The following ZNF385D variants were observed in gnomAD, a reference collection of about 807,000 sequenced individuals.
The protein encoded by ZNF385D is zinc finger protein 385D.
In ZNF385D, 15 loss-of-function variants were observed where a neutral mutation model predicts 35.8. That is an observed-to-expected ratio of 0.42 (90% CI 0.28 to 0.64). The LOEUF (loss-of-function observed/expected upper bound fraction) is 0.64, where lower values mean the gene tolerates loss of function less well. ZNF385D is among the 30% of genes least tolerant of loss of function. The pLI, the probability that ZNF385D is intolerant of heterozygous loss-of-function variation, is 0.23. For missense variants in ZNF385D, 474 were observed against 494.6 expected (o/e 0.96, Z 0.39); for synonymous variants, 212 against 186.8 (o/e 1.13, Z -1.10).
chr3:21,997,103 G>C (rs1022434202), intron 3 of ZNF385D, among the ~76,000 whole-genome samples: 1 of 151,848 alleles, frequency 6.6e-6, no homozygotes, highest in Admixed American at 6.6e-5. Flanking sequence ...CAACCCAAAT[G>C]TCCATCAATG....
At chr3:22,316,610 T>C (rs896086953) in intron 2 of ZNF385D, among the ~76,000 whole-genome samples, 1 of 152,208 alleles carries the variant, frequency 6.6e-6, no homozygotes, top group Admixed American at 6.5e-5. Flanking sequence ...TTGAGTCCCA[T>C]TTTTGACACT....
chr3:21,737,628 T>C (rs1210532359), intron 1 of ZNF385D, among the ~76,000 whole-genome samples: 4 of 152,242 alleles, frequency 2.6e-5, no homozygotes, highest in African/African-American at 9.6e-5. Flanking sequence ...TTTATACTTT[T>C]ATAATTCTCA....
chr3:21,608,029 T>G (rs1476653048), intron 2 of ZNF385D, among the ~76,000 whole-genome samples: 1 of 146,090 alleles, frequency 6.8e-6, no homozygotes, highest in East Asian at 2.0e-4. Context: ...TTTTGTTTTT[T>G]TTTTTTGAGT....
At chr3:21,472,298 A>C (rs1703944478) in intron 4 of ZNF385D, among the ~76,000 whole-genome samples, 1 of 152,124 alleles carries the variant, frequency 6.6e-6, no homozygotes, top group Non-Finnish European at 1.5e-5. Context: ...AAGAGGTTGA[A>C]ACTAAGAGAA....
chr3:21,436,748 C>G (rs1203735487), intron 5 of ZNF385D: 5 of 513,828 alleles, frequency 9.7e-6, no homozygotes. Flanking sequence ...TAATAACACA[C>G]ACATACACAC....
At position 22,173,107 on chromosome 3, in the gene ZNF385D, A is replaced by T. The variant is rs193209879; in HGVS notation, c.107-4072T>A. Among the ~76,000 whole-genome samples, 662 of 152,308 alleles carry T rather than the reference A, an allele frequency of 4.3e-3. 4 individuals are homozygous for T. The highest frequency in any genetic ancestry group is 0.015 in the African/African-American group (633 of 41,574). The stretch of plus-strand genomic sequence containing the variant: ...TTCCTTACAGAAATAATAGACAAAC[A>T]CAAACTAAGGAACAGTATACAAAAT... On this transcript the variant is annotated intron_variant, in intron 2 of 5. Transcript: ENST00000494108.
At chr3:22,068,472 C>A (rs1486875071) in intron 3 of ZNF385D, among the ~76,000 whole-genome samples, 2 of 152,058 alleles carry the variant, frequency 1.3e-5, no homozygotes, top group African/African-American at 4.8e-5. Flanking sequence ...TCCCCCACAC[C>A]CCATTTCTCT....
intron 1 of ZNF385D, among the ~76,000 whole-genome samples, chr3:21,729,538 C>G (rs1183598198): frequency 6.6e-6 from 1 of 152,136 alleles, no homozygotes; most frequent in Non-Finnish European, 1.5e-5. Context: ...AGGTTTCTCT[C>G]TCCCCACAAG....
chr3:21,595,103 A>G (rs1410197302), intron 2 of ZNF385D, among the ~76,000 whole-genome samples: 1 of 152,204 alleles, frequency 6.6e-6, no homozygotes, highest in Non-Finnish European at 1.5e-5. Context: ...CCTGTAAAAC[A>G]TGCTTACCAG....
At chr3:22,015,896 CCA>C (rs1201506349) in intron 3 of ZNF385D, among the ~76,000 whole-genome samples, 1 of 152,032 alleles carries the variant, frequency 6.6e-6, no homozygotes, top group African/African-American at 2.4e-5. Context: ...ACTGTTGTGC[CCA>C]CGTTCCTGAA....
At position 22,145,010 on chromosome 3, in the gene ZNF385D, ATGTGTG is replaced by A. The variant is rs36060381; in HGVS notation, c.325+23801_325+23806del. The stretch of plus-strand genomic sequence containing the variant: ...TAGAAATACAGTGTTGAAGATACAT[ATGTGTG>A]TGTGTGTGTGTGTGTGTGTGTGTAG... On this transcript the variant is annotated intron_variant, in intron 3 of 5. Coordinates refer to the ZNF385D transcript ENST00000494108. Among the ~76,000 whole-genome samples the A allele has an allele frequency of 2.8e-3, 420 of 149,032 alleles. 3 individuals are homozygous for A. The highest frequency in any genetic ancestry group is 0.014 in the Middle Eastern group (4 of 294).
At chr3:22,065,002 T>C (rs796474983) in intron 3 of ZNF385D, among the ~76,000 whole-genome samples, 1 of 152,238 alleles carries the variant, frequency 6.6e-6, no homozygotes, top group African/African-American at 2.4e-5. Context: ...GTAATTAAGA[T>C]AGACTTTAGA....
intron 2 of ZNF385D, among the ~76,000 whole-genome samples, chr3:21,650,641 TATC>T (rs1312412571): frequency 6.6e-6 from 1 of 152,136 alleles, no homozygotes; most frequent in Non-Finnish European, 1.5e-5. Flanking sequence ...ATATATAATG[TATC>T]ATGTTTTCAA....
intron 3 of ZNF385D, among the ~76,000 whole-genome samples, chr3:22,090,571 T>C (rs1282757196): frequency 6.6e-6 from 1 of 152,050 alleles, no homozygotes; most frequent in Non-Finnish European, 1.5e-5. Flanking sequence ...ATGAGAACCA[T>C]AAAAGAATAT....
At chr3:21,700,452 T>C (rs993975651) in intron 1 of ZNF385D, among the ~76,000 whole-genome samples, 1 of 152,232 alleles carries the variant, frequency 6.6e-6, no homozygotes, top group Non-Finnish European at 1.5e-5. Flanking sequence ...TAAGCATTTA[T>C]ACCATATGAT....
chr3:22,205,067 G>T (rs149461879), intron 2 of ZNF385D, among the ~76,000 whole-genome samples: 1 of 150,160 alleles, frequency 6.7e-6, no homozygotes, highest in African/African-American at 2.4e-5. Context: ...TGACTTCAAG[G>T]CAAATCAAAC....
At chr3:21,806,110 A>T (rs913459000) in intron 3 of ZNF385D, among the ~76,000 whole-genome samples, 2 of 152,086 alleles carry the variant, frequency 1.3e-5, no homozygotes, top group African/African-American at 4.8e-5. Context: ...CTGGTACTCA[A>T]GTGGTGCTTG....
At chr3:21,848,976 C>G (rs1007519471) in intron 3 of ZNF385D, among the ~76,000 whole-genome samples, 1 of 152,024 alleles carries the variant, frequency 6.6e-6, no homozygotes, top group African/African-American at 2.4e-5. Flanking sequence ...ATTTTCATTA[C>G]TTAAACCTAT....
intron 1 of ZNF385D, among the ~76,000 whole-genome samples, chr3:21,705,078 T>A (rs2067849001): frequency 6.6e-6 from 1 of 152,246 alleles, no homozygotes; most frequent in Non-Finnish European, 1.5e-5. Flanking sequence ...CAGATCTTCC[T>A]ATGTTTGAAG....
Sources: gnomAD v4.1 joint callset for allele counts (sites outside exome capture counted in the v4.1 genomes callset) on GRCh38, gnomAD v4.1.1 for gene constraint, MANE v1.5 for transcripts, NCBI Gene and HGNC (gene_info 2026-07-23, HGNC 2026-07-21) for gene names.